Variants in JAZF1 observed in about 807,000 individuals in gnomAD.
JAZF1 encodes the protein juxtaposed with another zinc finger protein 1.
A neutral mutation model predicts 26.4 loss-of-function variants in JAZF1; 8 were observed. The observed-to-expected ratio is 0.30, with a 90% confidence interval of 0.18 to 0.55. The LOEUF (loss-of-function observed/expected upper bound fraction) is 0.55. Among genes scored for constraint, JAZF1 ranks in the 20% least tolerant of loss-of-function variants. The probability of loss-of-function intolerance (pLI) is 0.94; values close to 1 mark genes in which losing one functional copy is unlikely to be tolerated. For missense variants in JAZF1, 199 were observed against 322.0 expected, an observed-to-expected ratio of 0.62 and a Z score of 2.92; for synonymous variants, 126 against 122.3, an observed-to-expected ratio of 1.03 and a Z score of -0.20.
intron 1 of JAZF1, among the ~76,000 whole-genome samples, chr7:28,087,267 A>T (rs1180914462): frequency 6.6e-6 from 1 of 152,186 alleles, no homozygotes; most frequent in Non-Finnish European, 1.5e-5. Context: ...TTTCAAGAAT[A>T]CATCAGCCAG....
chr7:27,851,902 G>C (rs6971384), intron 3 of JAZF1, among the ~76,000 whole-genome samples: 58,925 of 149,322 alleles, frequency 0.39, 12,054 homozygotes, highest in East Asian at 0.53. Context: ...TGTGTTCTGA[G>C]TTATGGACCC....
At chr7:28,021,732 G>A (rs1783011413) in intron 1 of JAZF1, among the ~76,000 whole-genome samples, 1 of 152,144 alleles carries the variant, frequency 6.6e-6, no homozygotes, top group Admixed American at 6.5e-5. Context: ...TCTTCACTTG[G>A]TTTCTTTTTG....
At position 27,940,558 on chromosome 7, in the gene JAZF1, T is replaced by C. The variant is rs550651167; in HGVS notation, c.189-45142A>G. Among the ~76,000 whole-genome samples the C allele has an allele frequency of 2.6e-5, 4 of 152,334 alleles. No individual in the cohort carries two copies. The South Asian group carries it at 8.3e-4, about 32-fold the overall frequency. On this transcript the variant is annotated intron_variant, in intron 2 of 4. Transcript: ENST00000283928. ...TTGAACAAAAGCTCTCTGATGATGC[T>C]GCTGATTTGGCTGAAATCCCTCAAG...
chr7:28,018,040 T>C lies in JAZF1; in HGVS notation c.116-26059A>G, dbSNP rs117186848. 2.2e-3 allele frequency among the ~76,000 whole-genome samples: 338 copies of C among 152,206 alleles called. 2 individuals are homozygous for C. The East Asian group carries it at 0.025, about 11-fold the overall frequency. ...GCCCACCTCAGCCTCCCAAAGTGGA[T>C]AAGCAATTACCTCTATGAAGGAAAC... On this transcript the variant is annotated intron_variant, in intron 1 of 4. Coordinates refer to ENST00000283928, the MANE Select transcript of JAZF1 (RefSeq NM_175061.4).
At chr7:27,892,340 T>C (rs1471755961) in intron 3 of JAZF1, among the ~76,000 whole-genome samples, 3 of 152,236 alleles carry the variant, frequency 2.0e-5, no homozygotes, top group Admixed American at 6.5e-5. Context: ...CAATGGGAAA[T>C]TGCTAAAATA....
In JAZF1 at chr7:28,124,511, C is replaced by T. The variant is rs1242713948; in HGVS notation, c.115+55952G>A. 3.3e-5 allele frequency among the ~76,000 whole-genome samples: 5 copies of T among 152,190 alleles called. No homozygotes were observed. The East Asian group carries it at 9.6e-4, about 29-fold the overall frequency. ...CTTCTCCCCAGTGCCGTCCTTTCAT[C>T]TTCATTTGACCAATAAGGACACTGA... On this transcript the variant is annotated intron_variant, in intron 1 of 4. Coordinates refer to ENST00000283928, the MANE Select transcript of JAZF1 (RefSeq NM_175061.4).
At chr7:28,028,734 C>T (rs1332222813) in intron 1 of JAZF1, among the ~76,000 whole-genome samples, 4 of 152,202 alleles carry the variant, frequency 2.6e-5, no homozygotes, top group African/African-American at 9.7e-5. Context: ...ACTATTCATT[C>T]AACCAATATG....
At chr7:28,028,957 T>G (rs1403682785) in intron 1 of JAZF1, among the ~76,000 whole-genome samples, 1 of 152,084 alleles carries the variant, frequency 6.6e-6, no homozygotes, top group South Asian at 2.1e-4. Context: ...TGGAAACTCA[T>G]GAGTTTCTCA....
At chr7:28,013,608 C>G (rs1782835326) in intron 1 of JAZF1, among the ~76,000 whole-genome samples, 1 of 152,102 alleles carries the variant, frequency 6.6e-6, no homozygotes, top group Non-Finnish European at 1.5e-5. Flanking sequence ...AACCACGGCA[C>G]TGAAATGACC....
At chr7:28,106,795 T>C (rs778767863) in intron 1 of JAZF1, among the ~76,000 whole-genome samples, 1 of 152,168 alleles carries the variant, frequency 6.6e-6, no homozygotes, top group African/African-American at 2.4e-5. Context: ...TGCACCCCGA[T>C]AGGAAATACT....
intron 1 of JAZF1, among the ~76,000 whole-genome samples, chr7:28,136,290 G>A (rs1347913836): frequency 6.6e-6 from 1 of 152,204 alleles, no homozygotes; most frequent in East Asian, 1.9e-4. Flanking sequence ...AGCTAAGAAT[G>A]AGTGGTAGGC....
At chr7:27,880,212 A>C (rs188077952) in intron 3 of JAZF1, among the ~76,000 whole-genome samples, 8 of 152,338 alleles carry the variant, frequency 5.3e-5, no homozygotes, top group African/African-American at 1.9e-4. Flanking sequence ...TCCTGGCAAA[A>C]CTTCCATTTT....
intron 2 of JAZF1, among the ~76,000 whole-genome samples, chr7:27,982,200 C>T (rs936328143): frequency 6.6e-6 from 1 of 152,210 alleles, no homozygotes; most frequent in African/African-American, 2.4e-5. Flanking sequence ...CCTTTCCTAG[C>T]AAAGGGAAGC....
At chr7:28,176,705 A>G (rs1473114441) in intron 1 of JAZF1, among the ~76,000 whole-genome samples, 1 of 152,186 alleles carries the variant, frequency 6.6e-6, no homozygotes, top group East Asian at 1.9e-4. Context: ...GACTCAATAT[A>G]TATTATTACA....
At chr7:27,921,184 G>A (rs1049989701) in intron 2 of JAZF1, among the ~76,000 whole-genome samples, 3 of 152,138 alleles carry the variant, frequency 2.0e-5, no homozygotes, top group Non-Finnish European at 4.4e-5. Context: ...TAATGAGTCC[G>A]GACAGAGTCA....
chr7:27,862,079 G>A (rs1783392494), intron 3 of JAZF1, among the ~76,000 whole-genome samples: 1 of 152,218 alleles, frequency 6.6e-6, no homozygotes, highest in African/African-American at 2.4e-5. Context: ...TACAGAGGGG[G>A]AAAGGAAGGG....
At chr7:27,941,793 G>A (rs1239117960) in intron 2 of JAZF1, among the ~76,000 whole-genome samples, 3 of 152,182 alleles carry the variant, frequency 2.0e-5, no homozygotes. Flanking sequence ...TAATTATGAT[G>A]CATCTTACTT....
Position 27,992,104 on chromosome 7 carries a change from G to A in JAZF1, c.116-123C>T, listed in dbSNP as rs376579481. 17 of 730,810 alleles carry A rather than the reference G, an allele frequency of 2.3e-5. No individual in the cohort carries two copies. In the East Asian group the frequency reaches 3.9e-4, roughly 17 times the overall value. 45.3% of individuals were successfully genotyped at this position (730,810 alleles called of 1,614,324 possible). ...TTAATTTAGTACACCACTTTTTAAA[G>A]AAAACTGAGTCGGCGAAGCACAATC... On this transcript the variant is annotated intron_variant, in intron 1 of 4. Coordinates refer to ENST00000283928, the MANE Select transcript of JAZF1 (RefSeq NM_175061.4).
intron 1 of JAZF1, among the ~76,000 whole-genome samples, chr7:28,168,510 T>C (rs542491002): frequency 1.3e-5 from 2 of 151,640 alleles, no homozygotes; most frequent in Non-Finnish European, 2.9e-5. Flanking sequence ...ATGGCAACAC[T>C]GGGTATCGGC....
Sources: allele counts gnomAD v4.1 joint callset (sites outside exome capture counted in the v4.1 genomes callset), GRCh38; gene constraint gnomAD v4.1.1; transcripts MANE v1.5; gene names NCBI Gene and HGNC (gene_info 2026-07-23, HGNC 2026-07-21).